Variants in EYS observed in about 807,000 individuals in gnomAD.
EYS encodes EGF-like photoreceptor maintenance factor.
In EYS, 250 loss-of-function variants were observed where a neutral mutation model predicts 282.1. That is an observed-to-expected ratio of 0.89 (90% CI 0.80 to 0.98). The LOEUF (loss-of-function observed/expected upper bound fraction) is 0.98. Among genes scored for constraint, EYS ranks in the 50% least tolerant of loss-of-function variants. EYS has a pLI of 0.00. For synonymous variants in EYS, 1,355 were observed against 1,282.9 expected, an observed-to-expected ratio of 1.06 and a Z score of -1.20; for missense variants, 4,016 against 3,709.0, an observed-to-expected ratio of 1.08 and a Z score of -2.15.
At chr6:65,301,586 T>TCGGG (rs1275720383) in intron 11 of EYS, among the ~76,000 whole-genome samples, 1 of 152,234 alleles carries the variant, frequency 6.6e-6, no homozygotes, top group Non-Finnish European at 1.5e-5. Context: ...TGTCATCGGT[T>TCGGG]CGGGTCCCAC....
At chr6:64,161,743 T>C (rs1206812276) in intron 31 of EYS, among the ~76,000 whole-genome samples, 1 of 152,206 alleles carries the variant, frequency 6.6e-6, no homozygotes, top group African/African-American at 2.4e-5. Flanking sequence ...TAAAGACCTA[T>C]GCAGGACCTG....
intron 12 of EYS, among the ~76,000 whole-genome samples, chr6:65,269,532 G>A (rs1767842792): frequency 6.6e-6 from 1 of 152,190 alleles, no homozygotes. Context: ...TGGGTTAGAT[G>A]TGATTCCTAT....
intron 35 of EYS, among the ~76,000 whole-genome samples, chr6:63,874,634 A>G (rs952665256): frequency 1.3e-5 from 2 of 151,098 alleles, no homozygotes; most frequent in African/African-American, 4.8e-5. Context: ...ATGAGCATGG[A>G]ATGTTCTTCC....
At chr6:64,165,881 G>A (rs549748707) in intron 31 of EYS, among the ~76,000 whole-genome samples, 96 of 152,282 alleles carry the variant, frequency 6.3e-4, no homozygotes, top group African/African-American at 2.3e-3. Flanking sequence ...AGGCATTTAT[G>A]CCCAATTCTG....
chr6:64,870,675 T>C (rs1766568854), intron 19 of EYS, among the ~76,000 whole-genome samples: 1 of 151,548 alleles, frequency 6.6e-6, no homozygotes, highest in African/African-American at 2.4e-5. Context: ...TAAGAAGTAA[T>C]AGAGGATGTG....
chr6:64,796,575 T>C (rs1774360100), intron 22 of EYS, among the ~76,000 whole-genome samples: 1 of 152,152 alleles, frequency 6.6e-6, no homozygotes, highest in Non-Finnish European at 1.5e-5. Flanking sequence ...CTGCTTCTAA[T>C]TCTGCCAATT....
At chr6:64,359,347 T>C (rs1455409500) in intron 29 of EYS, among the ~76,000 whole-genome samples, 2 of 151,756 alleles carry the variant, frequency 1.3e-5, no homozygotes, top group Admixed American at 1.3e-4. Context: ...TAACCCAATT[T>C]AAATACTTCT....
intron 12 of EYS, among the ~76,000 whole-genome samples, chr6:65,203,809 G>C (rs1765961688): frequency 6.6e-6 from 1 of 151,280 alleles, no homozygotes; most frequent in South Asian, 2.1e-4. Context: ...TTCAAGAGAA[G>C]GTTAAAAACC....
intron 30 of EYS, among the ~76,000 whole-genome samples, chr6:64,279,065 C>G (rs138075923): frequency 6.6e-6 from 1 of 152,132 alleles, no homozygotes; most frequent in African/African-American, 2.4e-5. Context: ...ATCTTCCAAC[C>G]CTTTTTGTTT....
At chr6:64,337,131 C>T (rs1353386011) in intron 29 of EYS, among the ~76,000 whole-genome samples, 3 of 151,790 alleles carry the variant, frequency 2.0e-5, no homozygotes, top group Admixed American at 6.6e-5. Flanking sequence ...AAGATCAGGG[C>T]AGAACTAAAT....
rs1229542093 is a variant in EYS, at chr6:65,443,057, C to A, written c.863-37690G>T. ...ATATACACAGACATACGGGAGCATG[C>A]ATATATGTGATATGTATGTGTCTAT... On this transcript the variant is annotated intron_variant, in intron 5 of 42. Transcript: ENST00000503581. 1.3e-5 allele frequency among the ~76,000 whole-genome samples: 2 copies of A among 151,294 alleles called. 1 individual carries two copies. The highest frequency in any genetic ancestry group is 3.0e-5 in the Non-Finnish European group (2 of 67,752).
intron 12 of EYS, among the ~76,000 whole-genome samples, chr6:65,286,126 G>A (rs909628287): frequency 4.0e-5 from 6 of 151,844 alleles, no homozygotes; most frequent in Admixed American, 1.3e-4. Context: ...TTGAAAATGT[G>A]TCATTTTCAT....
At chr6:65,302,831 A>T (rs1768888878) in intron 11 of EYS, 1 of 1,610,528 alleles carries the variant, frequency 6.2e-7, no homozygotes, top group Admixed American at 1.7e-5. Context: ...TGTGTTGCCC[A>T]CTGTGCCTGA....
intron 19 of EYS, among the ~76,000 whole-genome samples, chr6:64,844,340 G>C (rs1670621903): frequency 6.7e-6 from 1 of 149,086 alleles, no homozygotes; most frequent in South Asian, 2.1e-4. Flanking sequence ...ATGTAATTTA[G>C]AGTTTTTATG....
chr6:63,996,306 G>A lies in EYS; in HGVS notation c.6834+2769C>T, dbSNP rs190921158. Reference sequence around the variant, plus strand: ...GAAGCAGAAAGTAGTCAGAGGTTGCGGGGAGAGAGAAATGAAAAGTTGCTC... The same window carrying A: ...GAAGCAGAAAGTAGTCAGAGGTTGCAGGGAGAGAGAAATGAAAAGTTGCTC... On this transcript the variant is annotated intron_variant, in intron 34 of 42. Coordinates refer to ENST00000503581, the MANE Select transcript of EYS (RefSeq NM_001142800.2). Among the ~76,000 whole-genome samples the A allele has an allele frequency of 5.9e-5, 9 of 152,052 alleles. No homozygotes were observed. The South Asian group carries it at 6.2e-4, about 10-fold the overall frequency.
chr6:65,227,651 G>C (rs1221584781), intron 12 of EYS, among the ~76,000 whole-genome samples: 2 of 152,026 alleles, frequency 1.3e-5, no homozygotes, highest in Non-Finnish European at 2.9e-5. Context: ...ATTAATAATA[G>C]ACAAAAGCTT....
intron 2 of EYS, among the ~76,000 whole-genome samples, chr6:65,623,465 T>C (rs993342900): frequency 5.9e-5 from 9 of 152,172 alleles, no homozygotes; most frequent in African/African-American, 2.2e-4. Flanking sequence ...TTTTTAACAG[T>C]TGTTTATAAT....
chr6:65,030,411 C>G (rs1156893352), intron 13 of EYS, among the ~76,000 whole-genome samples: 2 of 152,106 alleles, frequency 1.3e-5, no homozygotes, highest in African/African-American at 4.8e-5. Flanking sequence ...ACACTGCAGC[C>G]TCCCCACACC....
rs77062523 is a variant in EYS at position 64,208,870 on chromosome 6, T to C, written c.6424+21722A>G. ...TTTCTATGTGCATATTCCACTGTAATTGCTCATGTTAAACCTTCAATAAAT... is the reference window on the plus strand; with the variant it reads ...TTTCTATGTGCATATTCCACTGTAACTGCTCATGTTAAACCTTCAATAAAT... On this transcript the variant is annotated intron_variant, in intron 31 of 42. Coordinates refer to ENST00000503581, the MANE Select transcript of EYS (RefSeq NM_001142800.2). Among the ~76,000 whole-genome samples the C allele has an allele frequency of 1.6e-3, 241 of 152,248 alleles. 3 individuals carry two copies. Among genetic ancestry groups the C allele is most frequent in the East Asian group, 0.015 (80 of 5,190 alleles).
Sources: allele counts gnomAD v4.1 joint callset (sites outside exome capture counted in the v4.1 genomes callset), GRCh38; gene constraint gnomAD v4.1.1; transcripts MANE v1.5; gene names NCBI Gene and HGNC (gene_info 2026-07-23, HGNC 2026-07-21).